Variants in BRD2 observed in about 807,000 individuals in gnomAD.
BRD2 encodes the protein bromodomain-containing protein 2.
In BRD2, 15 loss-of-function variants were observed where a neutral mutation model predicts 79.1. That is an observed-to-expected ratio of 0.19 (90% CI 0.13 to 0.29). BRD2 has a LOEUF of 0.29. BRD2 is among the 10% of genes least tolerant of loss of function. The pLI, the probability that BRD2 is intolerant of heterozygous loss-of-function variation, is 1.00. For missense variants in BRD2, 1,053 were observed against 991.3 expected (o/e 1.06, Z -0.84); for synonymous variants, 488 against 358.6 (o/e 1.36, Z -4.08).
Position 32,971,709 on chromosome 6 carries a change from C to T in BRD2, c.-1190C>T. ...CCACGCGACCCCTCCCGTTTCCCTG[C>T]TTTGGCCAATGGAGGAGCTACGAAT... On this transcript the variant is annotated 5_prime_UTR_variant, in exon 2 of 13. Coordinates refer to ENST00000374825, the MANE Select transcript of BRD2 (RefSeq NM_005104.4). 1 of 539,954 alleles carries T rather than the reference C, an allele frequency of 1.9e-6. No homozygotes were observed. Among genetic ancestry groups the T allele is most frequent in the Non-Finnish European group, 3.3e-6 (1 of 306,516 alleles). 33.4% of individuals were successfully genotyped at this position (539,954 alleles called of 1,614,324 possible).
At chr6:32,973,507 A>G (rs1778314597) in intron 2 of BRD2, among the ~76,000 whole-genome samples, 1 of 152,026 alleles carries the variant, frequency 6.6e-6, no homozygotes, top group Non-Finnish European at 1.5e-5. Flanking sequence ...TAAAAGTTTG[A>G]TTCAGGGCAG....
chr6:32,980,565 T>C lies in BRD2; in HGVS notation c.2270-17T>C, dbSNP rs1779396079. On this transcript the variant is annotated splice_polypyrimidine_tract_variant and intron_variant, in intron 12 of 12. Coordinates refer to ENST00000374825, the MANE Select transcript of BRD2 (RefSeq NM_005104.4). ...ATTCAGACTTGAACGTCTTTAACTT[T>C]CGAATTTGTTCTGCAGCGAATGAGA... is the stretch of plus-strand genomic sequence containing the variant. The C allele has an allele frequency of 1.2e-6, 2 of 1,612,932 alleles. No homozygotes were observed. The highest frequency in any genetic ancestry group is 1.6e-4 in the Middle Eastern group (1 of 6,084).
intron 1 of BRD2, 136 bp from the exon 2 acceptor site, chr6:32,971,457 TAA>T: frequency 2.5e-6 from 1 of 402,596 alleles, no homozygotes; most frequent in Non-Finnish European, 4.4e-6. Flanking sequence ...TGGAGTATTA[TAA>T]GACTCTGGCA....
chr6:32,969,698 G>T (rs78729514), intron 1 of BRD2, among the ~76,000 whole-genome samples: 5,847 of 152,310 alleles, frequency 0.038, 152 homozygotes, highest in African/African-American at 0.07. Context: ...CTCCAGGCTG[G>T]GGTGCTTACA....
At position 32,972,535 on chromosome 6, in the gene BRD2, C is replaced by T; in HGVS notation, c.-364C>T. On this transcript the variant is annotated 5_prime_UTR_variant, in exon 2 of 13. Coordinates refer to ENST00000374825, the MANE Select transcript of BRD2 (RefSeq NM_005104.4). ...GATCGAAACGGGACCTCGTCGGCCC[C>T]GTAGGGGCCCGACAAGAAGAGGGAA... The T allele has an allele frequency of 2.6e-6, 1 of 378,830 alleles. No homozygotes were observed. Among genetic ancestry groups the T allele is most frequent in the South Asian group, 3.5e-5 (1 of 28,304 alleles). The allele number at this position is 378,830 out of a possible 1,614,324, so 23.5% of individuals were successfully genotyped here. A position where few individuals can be genotyped will look rare whatever the true frequency, so the allele number is the denominator to read the frequency against.
In BRD2 at chr6:32,971,960, T is replaced by C. The variant is rs1006705675; in HGVS notation, c.-939T>C. ...TTCCCTGTGGGTCTCTGCGGCACTC[T>C]TCTGCCTGGTGACTGACACCTTGGA... On this transcript the variant is annotated 5_prime_UTR_variant, in exon 2 of 13. Transcript: ENST00000374825. 3 of 702,822 alleles carry C rather than the reference T, an allele frequency of 4.3e-6. No homozygotes were observed. In the African/African-American group the frequency reaches 5.2e-5, roughly 12 times the overall value. The allele number at this position is 702,822 out of a possible 1,614,324, so 43.5% of individuals were successfully genotyped here.
Position 32,971,827 on chromosome 6 carries a change from T to C in BRD2, c.-1072T>C. 5.9e-6 allele frequency: 4 copies of C among 673,340 alleles called. No homozygotes were observed. The highest frequency in any genetic ancestry group is 1.1e-5 in the Non-Finnish European group (4 of 371,082). 41.7% of individuals were successfully genotyped at this position (673,340 alleles called of 1,614,324 possible). ...GGAAGGGGAGGCGGGGAGAGAGTGC[T>C]GGAGGCTCTGGGGCGATGGCTTCCG... On this transcript the variant is annotated 5_prime_UTR_variant, in exon 2 of 13. Transcript: ENST00000374825.
intron 10 of BRD2, 34 bp downstream of exon 10, chr6:32,978,422 C>T: frequency 6.3e-7 from 1 of 1,596,084 alleles, no homozygotes; most frequent in Admixed American, 1.8e-5. Flanking sequence ...ACTAGTTTGG[C>T]TATTTCTGTC....
In BRD2 at chr6:32,975,487, A is replaced by G. The variant is rs1778617808; in HGVS notation, c.437A>G (p.Asn146Ser). 1.2e-6 allele frequency: 2 copies of G among 1,612,782 alleles called. No homozygotes were observed. Among genetic ancestry groups the G allele is most frequent in the Non-Finnish European group, 1.7e-6 (2 of 1,179,842 alleles). Reference protein sequence around the residue: ...WAASECMQDFNTMFTNCYIYN... With the variant: ...WAASECMQDFSTMFTNCYIYN... ...GCTTCAGAGTGTATGCAAGATTTTA[A>G]TACCATGTTCACCAACTGTTACATT... Residue 146 changes from asparagine to serine, a missense_variant, in exon 4 of 13, where the codon AAT becomes AGT. By Grantham distance (46) the Asn-to-Ser change is conservative (BLOSUM62 1). Transcript: ENST00000374825.
chr6:32,979,164 G>A, intron 10 of BRD2: 1 of 156,470 alleles, frequency 6.4e-6, no homozygotes, highest in Non-Finnish European at 1.4e-5. Context: ...CGATTCTCCT[G>A]CCTCAGCCTC....
Position 32,977,867 on chromosome 6 carries a change from C to T in BRD2, c.1440C>T (p.Ser480=), listed in dbSNP as rs2127520198. 3.1e-6 allele frequency: 5 copies of T among 1,613,046 alleles called. No homozygotes were observed. Among genetic ancestry groups the T allele is most frequent in the Non-Finnish European group, 4.2e-6 (5 of 1,180,032 alleles). The stretch of plus-strand genomic sequence containing the variant: ...GCTTGGCCAAATCGTCTTCAGAGTC[C>T]TCCAGTGAGGAAAGTAGCAGTGAGA... ...PPGLAKSSSE[S]SSEESSSESS... The change falls in exon 9 of 13, where the codon TCC becomes TCT. Residue 480 remains serine, a synonymous_variant. Transcript: ENST00000374825.
Position 32,974,509 on chromosome 6 carries a change from C to T in BRD2, c.77C>T (p.Ala26Val), listed in dbSNP as rs1778453265. The T allele has an allele frequency of 1.1e-5, 18 of 1,613,870 alleles. No individual in the cohort carries two copies. The highest frequency in any genetic ancestry group is 1.5e-5 in the Non-Finnish European group (18 of 1,179,730). The change falls in exon 3 of 13, where the codon GCA (alanine) becomes GTA (valine). Residue 26 changes from alanine to valine, a missense_variant. Coordinates refer to ENST00000374825, the MANE Select transcript of BRD2 (RefSeq NM_005104.4). ...NAGLLGLGPE[A>V]AAPGKRIRKP... ...GGGTTGCTGGGGCTGGGCCCAGAAG[C>T]AGCAGCACCAGGGAAGAGGATTCGA...
rs1427951047 is a variant in BRD2 at position 32,971,933 on chromosome 6, A to G, written c.-966A>G. On this transcript the variant is annotated 5_prime_UTR_variant, in exon 2 of 13. Transcript: ENST00000374825. ...TGGCTTGGAGATGTGGCGGGTTGCC[A>G]CTTCCCTGTGGGTCTCTGCGGCACT... 1 of 702,420 alleles carries G rather than the reference A, an allele frequency of 1.4e-6. No homozygotes were observed. Among genetic ancestry groups the G allele is most frequent in the Non-Finnish European group, 2.6e-6 (1 of 384,890 alleles). 43.5% of individuals were successfully genotyped at this position (702,420 alleles called of 1,614,324 possible).
rs538090232 is a variant in BRD2 at position 32,980,679 on chromosome 6, G to T, written c.2367G>T (p.Ser789=). Residue 789 remains serine (S), a synonymous_variant, in exon 13 of 13, where the codon TCG becomes TCT. Coordinates refer to ENST00000374825, the MANE Select transcript of BRD2 (RefSeq NM_005104.4). ...CAGATTCCAGCTCCTCCTCTTCCTC[G>T]TCGTCGTCTTCAGACACCAGTGATT... ...SSSDSSSSSS[S]SSSSDTSDSD... The T allele has an allele frequency of 6.2e-7, 1 of 1,612,074 alleles. No homozygotes were observed. The highest frequency in any genetic ancestry group is 8.5e-7 in the Non-Finnish European group (1 of 1,179,772).
intron 3 of BRD2, chr6:32,975,156 G>T: frequency 6.8e-7 from 1 of 1,478,746 alleles, no homozygotes; most frequent in Non-Finnish European, 9.1e-7. Context: ...GTGGGAGGTG[G>T]GTGGTTAGAG....
Position 32,980,063 on chromosome 6 carries a change from C to A in BRD2, c.2077C>A (p.Pro693Thr). The A allele has an allele frequency of 6.2e-7, 1 of 1,612,990 alleles. No homozygotes were observed. The highest frequency in any genetic ancestry group is 1.1e-5 in the South Asian group (1 of 91,074). ...EIEIDFETLK[P>T]STLRELERYV... ...TGAGATTGATTTTGAAACACTCAAG[C>A]CATCCACACTTAGAGAGCTTGAGCG... Residue 693 changes from proline to threonine, a missense_variant, in exon 11 of 13, where the codon CCA becomes ACA. Coordinates refer to ENST00000374825, the MANE Select transcript of BRD2 (RefSeq NM_005104.4).
At chr6:32,979,733 C>T in intron 10 of BRD2, 95 bp from the exon 11 acceptor site, 1 of 1,417,040 alleles carries the variant, frequency 7.1e-7, no homozygotes, top group South Asian at 1.4e-5. Flanking sequence ...AAGCTCCACT[C>T]TGGGCAGGAA....
Position 32,980,893 on chromosome 6 carries a change from G to A in BRD2, c.*175G>A. 1 of 725,420 alleles carries A rather than the reference G, an allele frequency of 1.4e-6. No individual in the cohort carries two copies. Among genetic ancestry groups the A allele is most frequent in the Non-Finnish European group, 2.2e-6 (1 of 448,686 alleles). 44.9% of individuals were successfully genotyped at this position (725,420 alleles called of 1,614,324 possible). A position where few individuals can be genotyped will look rare whatever the true frequency, so the allele number is the denominator to read the frequency against. On this transcript the variant is annotated 3_prime_UTR_variant, in exon 13 of 13. Transcript: ENST00000374825. Reference sequence around the variant, plus strand: ...GGATGCAGGGACATTTACTGAAGGAGGGACATGGACAAAACAACATTGAAT... The same window carrying A: ...GGATGCAGGGACATTTACTGAAGGAAGGACATGGACAAAACAACATTGAAT...
At chr6:32,979,615 C>T (rs773478155) in intron 10 of BRD2, 16 of 572,826 alleles carry the variant, frequency 2.8e-5, no homozygotes, top group Non-Finnish European at 4.3e-5. Flanking sequence ...CGTACATTGT[C>T]TTTTTAAAGA....
Sources: allele counts gnomAD v4.1 joint callset (sites outside exome capture counted in the v4.1 genomes callset), GRCh38; gene constraint gnomAD v4.1.1; transcripts MANE v1.5; gene names NCBI Gene and HGNC (gene_info 2026-07-23, HGNC 2026-07-21).